UBXN2B: variants seen among roughly 807,000 people sequenced by gnomAD.
The protein encoded by UBXN2B is UBX domain protein 2B.
UBXN2B carries 19 observed loss-of-function variants against 37.5 expected under a neutral mutation model. That is an observed-to-expected ratio of 0.51 (90% CI 0.35 to 0.74). UBXN2B has a LOEUF of 0.74. Ranked by LOEUF, UBXN2B falls within the 30% of genes least tolerant of loss-of-function variation. UBXN2B has a pLI of 0.01. For synonymous variants in UBXN2B, 145 were observed against 143.8 expected, an observed-to-expected ratio of 1.01 and a Z score of -0.06; for missense variants, 370 against 393.2, an observed-to-expected ratio of 0.94 and a Z score of 0.50.
chr8:58,424,622 A>G, intron 2 of UBXN2B: 7 of 1,140,650 alleles, frequency 6.1e-6, no homozygotes, highest in Middle Eastern at 3.0e-4. Flanking sequence ...CATCAGGCCC[A>G]CGTTTTCATA....
intron 2 of UBXN2B, among the ~76,000 whole-genome samples, chr8:58,429,246 G>A (rs1808185856): frequency 6.6e-6 from 1 of 152,122 alleles, no homozygotes; most frequent in African/African-American, 2.4e-5. Flanking sequence ...GGGGAGGAGT[G>A]TTACGGCAGC....
In UBXN2B at chr8:58,411,439, G is replaced by A. The variant is rs1057434093; in HGVS notation, c.54G>A (p.Gly18=). Residue 18 remains glycine (G), a synonymous_variant, in exon 1 of 8, where the codon GGG becomes GGA. Transcript: ENST00000399598. ...GCGAGCAGGAGAGGAGGTCTTCCGG[G>A]CCGCGGCCTCCGAGCGCGCGGGATT... The part of the protein sequence containing the change: ...EPGEQERRSS[G]PRPPSARDLQ... The A allele has an allele frequency of 7.1e-6, 9 of 1,259,396 alleles. No individual in the cohort carries two copies. In the African/African-American group the frequency reaches 1.1e-4, roughly 15 times the overall value. 78.0% of individuals were successfully genotyped at this position (1,259,396 alleles called of 1,614,324 possible).
At position 58,433,256 on chromosome 8, in the gene UBXN2B, A is replaced by G. The variant is rs1478260711; in HGVS notation, c.423+13A>G. On this transcript the variant is annotated intron_variant, in intron 4 of 7. Coordinates refer to ENST00000399598, the MANE Select transcript of UBXN2B (RefSeq NM_001077619.2). ...TCAGCTGCAAGATGTAGGTACAATA[A>G]TCAAAATGAAAAAGTATAAATATTT... 2 of 1,583,284 alleles carry G rather than the reference A, an allele frequency of 1.3e-6. No homozygotes were observed. Among genetic ancestry groups the G allele is most frequent in the Admixed American group, 1.8e-5 (1 of 56,432 alleles).
intron 2 of UBXN2B, chr8:58,425,810 C>T (rs894299748): frequency 4.3e-6 from 5 of 1,166,028 alleles, no homozygotes; most frequent in Middle Eastern, 2.8e-4. Flanking sequence ...AGAATCATAC[C>T]GTTCTCCTCC....
intron 6 of UBXN2B, among the ~76,000 whole-genome samples, chr8:58,442,604 G>A (rs1808576588): frequency 6.6e-6 from 1 of 152,162 alleles, no homozygotes; most frequent in Non-Finnish European, 1.5e-5. Flanking sequence ...CTGTAAAAAT[G>A]TTACATAGTA....
At chr8:58,431,511 A>G (rs986559613) in intron 3 of UBXN2B, among the ~76,000 whole-genome samples, 2 of 152,226 alleles carry the variant, frequency 1.3e-5, no homozygotes, top group African/African-American at 4.8e-5. Flanking sequence ...ACTATTACAA[A>G]TAAAGCTGCT....
chr8:58,430,535 C>A lies in UBXN2B; in HGVS notation c.205C>A (p.His69Asn). 1 of 1,582,866 alleles carries A rather than the reference C, an allele frequency of 6.3e-7. No individual in the cohort carries two copies. Among genetic ancestry groups the A allele is most frequent in the Non-Finnish European group, 8.6e-7 (1 of 1,164,430 alleles). ...TGTTTAAAGGTTTTACTCAAGTGAACATGAATACAGTGGATTAAATATAGT... is the reference window on the plus strand; with the variant it reads ...TGTTTAAAGGTTTTACTCAAGTGAAAATGAATACAGTGGATTAAATATAGT... Reference protein sequence around the residue: ...TPPQRFYSSEHEYSGLNIVRP... With the variant: ...TPPQRFYSSENEYSGLNIVRP... The change falls in exon 3 of 8, where the codon CAT (histidine) becomes AAT (asparagine). Residue 69 changes from histidine to asparagine, a missense_variant. This residue lies in a region of UBXN2B where 197 missense variants were observed against 170.2 expected (regional missense o/e 1.16). Coordinates refer to ENST00000399598, the MANE Select transcript of UBXN2B (RefSeq NM_001077619.2).
At chr8:58,447,275 AC>A in intron 7 of UBXN2B, 113 bp from the exon 8 acceptor site, 4 of 976,494 alleles carry the variant, frequency 4.1e-6, no homozygotes, top group Non-Finnish European at 5.8e-6. Flanking sequence ...AAAGAAAGTT[AC>A]AACACCTTTA....
At chr8:58,430,396 T>C (rs1563461918) in intron 2 of UBXN2B, 123 bp from the exon 3 acceptor site, 2 of 626,726 alleles carry the variant, frequency 3.2e-6, no homozygotes, top group Non-Finnish European at 2.4e-6. Flanking sequence ...AATATTCTCA[T>C]AGAAGTCAAA....
rs187508752 is a variant in UBXN2B at position 58,411,836 on chromosome 8, G to C, written c.84+367G>C. On this transcript the variant is annotated intron_variant, in intron 1 of 7. Coordinates refer to ENST00000399598, the MANE Select transcript of UBXN2B (RefSeq NM_001077619.2). Reference sequence around the variant, plus strand: ...GCCGCAGGGAAGTAGACAGTCACCTGAACAGTAATGATACGTGATTTGTTC... The same window carrying C: ...GCCGCAGGGAAGTAGACAGTCACCTCAACAGTAATGATACGTGATTTGTTC... Among the ~76,000 whole-genome samples the C allele has an allele frequency of 3.3e-5, 5 of 152,344 alleles. No homozygotes were observed. The East Asian group carries it at 9.7e-4, about 29-fold the overall frequency.
At chr8:58,427,471 T>C (rs1391720620) in intron 2 of UBXN2B, among the ~76,000 whole-genome samples, 1 of 152,200 alleles carries the variant, frequency 6.6e-6, no homozygotes, top group East Asian at 1.9e-4. Flanking sequence ...TCAAAAAATA[T>C]ATAAATAAAT....
intron 6 of UBXN2B, among the ~76,000 whole-genome samples, chr8:58,442,976 A>G (rs1388038362): frequency 1.3e-5 from 2 of 152,130 alleles, no homozygotes; most frequent in Non-Finnish European, 2.9e-5. Context: ...TCAAAGCCTT[A>G]CTTTATCTCA....
chr8:58,422,687 A>T (rs1988172), intron 2 of UBXN2B, among the ~76,000 whole-genome samples: 3 of 152,120 alleles, frequency 2.0e-5, no homozygotes, highest in Non-Finnish European at 1.5e-5. Flanking sequence ...CAAGTCTGGG[A>T]GTGCCCCAGT....
intron 7 of UBXN2B, among the ~76,000 whole-genome samples, chr8:58,446,884 G>A (rs971024168): frequency 8.5e-5 from 11 of 129,252 alleles, no homozygotes; most frequent in South Asian, 2.7e-4. Flanking sequence ...TACAAACTCC[G>A]CCTTCCAGAT....
intron 6 of UBXN2B, among the ~76,000 whole-genome samples, chr8:58,440,613 C>T: frequency 6.6e-6 from 1 of 152,178 alleles, no homozygotes. Context: ...CTCTACTCGT[C>T]CACATATTGT....
At position 58,439,655 on chromosome 8, in the gene UBXN2B, C is replaced by T. The variant is rs555882026; in HGVS notation, c.556C>T (p.Arg186Cys). Residue 186 changes from arginine to cysteine, a missense_variant, in exon 6 of 8, where the codon CGC becomes TGC. Arg to Cys is a radical substitution (Grantham distance 180). This residue lies in a region of UBXN2B where 90 missense variants were observed against 139.4 expected (regional missense o/e 0.65). Coordinates refer to ENST00000399598, the MANE Select transcript of UBXN2B (RefSeq NM_001077619.2). Reference protein sequence around the residue: ...KRGEIPLELQRLVHGGQVNLD... With the variant: ...KRGEIPLELQCLVHGGQVNLD... ...AAGAGAGATTCCCCTGGAGCTTCAG[C>T]GCCTTGTTCATGGTGGCCAAGTGAA... 2.2e-5 allele frequency: 36 copies of T among 1,605,050 alleles called. No individual in the cohort carries two copies. Among genetic ancestry groups the T allele is most frequent in the Middle Eastern group, 1.9e-4 (1 of 5,218 alleles).
chr8:58,435,071 T>C (rs1808377881), intron 5 of UBXN2B: 4 of 1,439,916 alleles, frequency 2.8e-6, no homozygotes, highest in Admixed American at 5.5e-5. Context: ...GATTTTGCTA[T>C]GATAATAAAA....
chr8:58,443,636 TCC>T lies in UBXN2B; in HGVS notation c.672-2270_672-2269del, dbSNP rs1311058590. The stretch of plus-strand genomic sequence containing the variant: ...GGCGAAACCCCATCTCTACTAAAAA[TCC>T]AAAAAAAAAAAAAAAAAAAATTAGC... On this transcript the variant is annotated intron_variant, in intron 6 of 7. Coordinates refer to ENST00000399598, the MANE Select transcript of UBXN2B (RefSeq NM_001077619.2). Among the ~76,000 whole-genome samples the T allele has an allele frequency of 6.5e-3, 360 of 55,192 alleles. 10 individuals carry two copies. The highest frequency in any genetic ancestry group is 0.026 in the African/African-American group (299 of 11,306). The allele number at this position is 55,192 out of a possible 152,430, so 36.2% of individuals were successfully genotyped here. A position where few individuals can be genotyped will look rare whatever the true frequency, so the allele number is the denominator to read the frequency against.
intron 3 of UBXN2B, among the ~76,000 whole-genome samples, chr8:58,431,588 A>T (rs1311738136): frequency 6.6e-6 from 1 of 152,210 alleles, no homozygotes; most frequent in Non-Finnish European, 1.5e-5. Flanking sequence ...AATGCTCAGA[A>T]GTGCAATTGG....
Sources: gnomAD v4.1 joint callset for allele counts (sites outside exome capture counted in the v4.1 genomes callset) on GRCh38, gnomAD v4.1.1 for gene constraint, gnomAD v4.1.1 regional missense constraint, MANE v1.5 for transcripts, NCBI Gene and HGNC (gene_info 2026-07-23, HGNC 2026-07-21) for gene names.